Variants in RAD54L2 observed in about 807,000 individuals in gnomAD.
The protein encoded by RAD54L2 is RAD54 like 2.
Under a neutral mutation model 138.4 loss-of-function variants are expected in RAD54L2, and 27 were observed. The ratio of observed to expected loss-of-function variants is 0.20; its 90% confidence interval spans 0.14 to 0.27. The LOEUF (loss-of-function observed/expected upper bound fraction) is 0.27, where lower values mean the gene tolerates loss of function less well. Among genes scored for constraint, RAD54L2 ranks in the 10% least tolerant of loss-of-function variants. RAD54L2 has a pLI of 1.00. For missense variants in RAD54L2, 1,396 were observed against 1,890.2 expected (o/e 0.74, Z 4.85); for synonymous variants, 644 against 723.2 (o/e 0.89, Z 1.76).
chr3:51,569,972 A>G (rs557758776), intron 2 of RAD54L2, among the ~76,000 whole-genome samples: 1 of 151,664 alleles, frequency 6.6e-6, no homozygotes, highest in South Asian at 2.1e-4. Context: ...AGCTGGGTCT[A>G]CGGACGTGCA....
chr3:51,649,600 T>C lies in RAD54L2; in HGVS notation c.3026+3119T>C, dbSNP rs537650086. 5.1e-3 allele frequency among the ~76,000 whole-genome samples: 782 copies of C among 152,258 alleles called. 21 individuals carry two copies. Among genetic ancestry groups the C allele is most frequent in the Admixed American group, 0.036 (546 of 15,284 alleles). On this transcript the variant is annotated intron_variant, in intron 19 of 22. Transcript: ENST00000684192. ...CCCATCAGACTAACAGTGGATCTCT[T>C]GGCAGAAACTCTACAAGCCAGAAGA...
intron 9 of RAD54L2, among the ~76,000 whole-genome samples, chr3:51,634,632 A>T (rs956273751): frequency 1.3e-5 from 2 of 152,120 alleles, no homozygotes; most frequent in Non-Finnish European, 2.9e-5. Context: ...GTCCTCCCAG[A>T]GTGTTGGGAT....
intron 9 of RAD54L2, 106 bp downstream of exon 9, chr3:51,634,141 G>GT (rs1175506350): frequency 1.4e-6 from 2 of 1,394,564 alleles, no homozygotes; most frequent in African/African-American, 1.5e-5. Flanking sequence ...ATCTAGATTT[G>GT]TTTTTGGTTT....
chr3:51,626,434 A>ATTTTTTTTTTT (rs1302087610), intron 3 of RAD54L2, among the ~76,000 whole-genome samples: 29 of 12,278 alleles, frequency 2.4e-3, no homozygotes, highest in Non-Finnish European at 3.2e-3. Flanking sequence ...ACCCCCAACG[A>ATTTTTTTTTTT]TCTTTTTTTT....
chr3:51,589,804 G>C (rs1699802440), intron 2 of RAD54L2, among the ~76,000 whole-genome samples: 1 of 151,910 alleles, frequency 6.6e-6, no homozygotes, highest in Non-Finnish European at 1.5e-5. Flanking sequence ...GGATTTCCAA[G>C]GTTTATAGTT....
chr3:51,607,458 A>C (rs1448181422), intron 3 of RAD54L2, among the ~76,000 whole-genome samples: 1 of 152,254 alleles, frequency 6.6e-6, no homozygotes, highest in African/African-American at 2.4e-5. Context: ...CCAAGGCAGA[A>C]GAACTTTTCC....
At chr3:51,578,888 C>T (rs188060626) in intron 2 of RAD54L2, among the ~76,000 whole-genome samples, 14 of 152,206 alleles carry the variant, frequency 9.2e-5, no homozygotes, top group South Asian at 2.1e-4. Flanking sequence ...AGTTCTTGTT[C>T]GGTATCCAGG....
At chr3:51,640,805 G>A (rs1701113975) in intron 14 of RAD54L2, among the ~76,000 whole-genome samples, 1 of 152,208 alleles carries the variant, frequency 6.6e-6, no homozygotes, top group African/African-American at 2.4e-5. Context: ...TGCAGTGGTA[G>A]TGTTTAGTGC....
intron 3 of RAD54L2, among the ~76,000 whole-genome samples, chr3:51,622,917 G>T (rs1425888581): frequency 6.6e-6 from 1 of 152,170 alleles, no homozygotes; most frequent in East Asian, 1.9e-4. Context: ...TCAAACCCAG[G>T]TCTCGCTCTT....
At chr3:51,601,890 C>G (rs1415922420) in intron 3 of RAD54L2, among the ~76,000 whole-genome samples, 4 of 151,300 alleles carry the variant, frequency 2.6e-5, no homozygotes, top group Admixed American at 2.6e-4. Flanking sequence ...AAGAGTCTTG[C>G]CCTGTCGCCA....
chr3:51,585,352 T>C (rs1307826012), intron 2 of RAD54L2, among the ~76,000 whole-genome samples: 4 of 152,130 alleles, frequency 2.6e-5, no homozygotes, highest in Non-Finnish European at 5.9e-5. Flanking sequence ...CATAATGACA[T>C]CTGTGAAATT....
intron 19 of RAD54L2, among the ~76,000 whole-genome samples, chr3:51,652,195 A>G (rs1452365379): frequency 6.6e-6 from 1 of 152,204 alleles, no homozygotes; most frequent in Admixed American, 6.5e-5. Context: ...TGCTTCAAAG[A>G]GAATAAAATA....
chr3:51,638,018 G>A lies in RAD54L2; in HGVS notation c.1683-126G>A. On this transcript the variant is annotated intron_variant, in intron 11 of 22. Transcript: ENST00000684192. The surrounding 1 kb of genome is among the most constrained non-coding windows in gnomAD (Gnocchi z 4.3). The stretch of plus-strand genomic sequence containing the variant: ...TTGAACCACTCTGCATTATTGCAAG[G>A]CTGCAGTGCATGTTGAGATCCTCAA... 1 of 844,174 alleles carries A rather than the reference G, an allele frequency of 1.2e-6. No homozygotes were observed. The highest frequency in any genetic ancestry group is 1.8e-5 in the South Asian group (1 of 56,270). 52.3% of individuals were successfully genotyped at this position (844,174 alleles called of 1,614,324 possible).
At chr3:51,543,877 G>A (rs1193466750) in intron 2 of RAD54L2, among the ~76,000 whole-genome samples, 1 of 152,100 alleles carries the variant, frequency 6.6e-6, no homozygotes, top group Non-Finnish European at 1.5e-5. Flanking sequence ...CTTGAACCAG[G>A]AGTTCGGGCA....
chr3:51,545,148 G>A (rs561832784), intron 2 of RAD54L2, among the ~76,000 whole-genome samples: 85 of 152,296 alleles, frequency 5.6e-4, no homozygotes, highest in African/African-American at 2.0e-3. Flanking sequence ...AGAAGTTACA[G>A]AATTGTGCCA....
chr3:51,592,125 C>T (rs1332682384), intron 3 of RAD54L2, among the ~76,000 whole-genome samples: 2 of 133,344 alleles, frequency 1.5e-5, no homozygotes, highest in Non-Finnish European at 3.0e-5. Flanking sequence ...AGTGGAATGG[C>T]GCCATCTTGG....
At chr3:51,572,983 ATATGTGTGTGTGTG>A (rs1252407646) in intron 2 of RAD54L2, among the ~76,000 whole-genome samples, 3 of 152,030 alleles carry the variant, frequency 2.0e-5, no homozygotes, top group African/African-American at 7.2e-5. Context: ...CAATGCTAAG[ATATGTGTGTGTGTG>A]TATGTGTGTG....
chr3:51,547,539 CTTT>C (rs1302390745), intron 2 of RAD54L2, among the ~76,000 whole-genome samples: 2 of 150,320 alleles, frequency 1.3e-5, no homozygotes, highest in Non-Finnish European at 3.0e-5. Flanking sequence ...GATAAGCATA[CTTT>C]GCGTATGTAT....
At chr3:51,567,455 A>AT (rs1559619477) in intron 2 of RAD54L2, among the ~76,000 whole-genome samples, 2 of 152,026 alleles carry the variant, frequency 1.3e-5, no homozygotes, top group South Asian at 4.2e-4. Flanking sequence ...AACTTTTGCA[A>AT]TTTTTTTGTT....
Sources: gnomAD v4.1 joint callset for allele counts (sites outside exome capture counted in the v4.1 genomes callset) on GRCh38, gnomAD v4.1.1 for gene constraint, Gnocchi (gnomAD v3.1) non-coding constraint, MANE v1.5 for transcripts, NCBI Gene and HGNC (gene_info 2026-07-23, HGNC 2026-07-21) for gene names.